The following PARD3B variants were observed in gnomAD, a reference collection of about 807,000 sequenced individuals.
PARD3B encodes par-3 family cell polarity regulator beta, also known as partitioning defective 3 homolog B.
A neutral mutation model predicts 130.2 loss-of-function variants in PARD3B; 103 were observed. That is an observed-to-expected ratio of 0.79 (90% CI 0.67 to 0.93). The LOEUF is 0.93. PARD3B is among the 40% of genes least tolerant of loss of function. PARD3B has a pLI of 0.00. For missense variants in PARD3B, 1,609 were observed against 1,499.2 expected, an observed-to-expected ratio of 1.07 and a Z score of -1.21; for synonymous variants, 583 against 553.2, an observed-to-expected ratio of 1.05 and a Z score of -0.76.
chr2:205,422,038 T>C (rs2046989063), intron 19 of PARD3B, among the ~76,000 whole-genome samples: 1 of 152,184 alleles, frequency 6.6e-6, no homozygotes, highest in South Asian at 2.1e-4. Context: ...ATTCCATTCT[T>C]GTAAACAGAT....
At chr2:204,774,152 T>C (rs1478125101) in intron 2 of PARD3B, among the ~76,000 whole-genome samples, 8 of 151,904 alleles carry the variant, frequency 5.3e-5, no homozygotes, top group African/African-American at 1.7e-4. Context: ...AGAGAAGCCT[T>C]CCCTCAATGA....
chr2:205,389,794 A>G (rs138956843), intron 18 of PARD3B, among the ~76,000 whole-genome samples: 2 of 152,326 alleles, frequency 1.3e-5, no homozygotes, highest in Admixed American at 1.3e-4. Flanking sequence ...TCTGGAATGA[A>G]AGGTCTAAGT....
intron 2 of PARD3B, among the ~76,000 whole-genome samples, chr2:204,781,828 T>A (rs2041842525): frequency 6.6e-6 from 1 of 152,104 alleles, no homozygotes; most frequent in South Asian, 2.1e-4. Flanking sequence ...TTTAGTATGA[T>A]TTTGCTTTGT....
rs1306373500 is a variant in PARD3B, at chr2:205,268,171, G to A, written c.2185+22349G>A. Among the ~76,000 whole-genome samples, 1 of 152,172 alleles carries A rather than the reference G, an allele frequency of 6.6e-6. No individual in the cohort carries two copies. Among genetic ancestry groups the A allele is most frequent in the South Asian group, 2.1e-4 (1 of 4,832 alleles). On this transcript the variant is annotated intron_variant, in intron 16 of 22. Transcript: ENST00000406610. The surrounding 1 kb of genome is among the most constrained non-coding windows in gnomAD (Gnocchi z 4.1). ...AACTGCAAGAACTCATTAATACCAA[G>A]CCCAAGAAGGAACTGCTGATCATCA...
intron 2 of PARD3B, among the ~76,000 whole-genome samples, chr2:204,936,317 T>G (rs1255579462): frequency 6.6e-6 from 1 of 151,912 alleles, no homozygotes. Context: ...GATTCTTCAG[T>G]TTTTTTTCAT....
At chr2:205,447,301 C>T (rs2047938335) in intron 20 of PARD3B, among the ~76,000 whole-genome samples, 2 of 136,582 alleles carry the variant, frequency 1.5e-5, no homozygotes, top group Admixed American at 1.3e-4. Flanking sequence ...TGCTTTTGCT[C>T]ACCTGTCTCC....
intron 2 of PARD3B, among the ~76,000 whole-genome samples, chr2:204,912,164 T>A (rs2047261791): frequency 6.6e-6 from 1 of 152,190 alleles, no homozygotes. Flanking sequence ...GGAAGGGACA[T>A]GTAGGGTATT....
At chr2:205,226,863 G>T (rs1198822207) in intron 15 of PARD3B, among the ~76,000 whole-genome samples, 1 of 152,140 alleles carries the variant, frequency 6.6e-6, no homozygotes, top group Non-Finnish European at 1.5e-5. Context: ...ATATGACATA[G>T]ATTTTAGGAT....
At chr2:204,959,842 A>T (rs952628112) in intron 2 of PARD3B, among the ~76,000 whole-genome samples, 1 of 152,202 alleles carries the variant, frequency 6.6e-6, no homozygotes, top group African/African-American at 2.4e-5. Context: ...CAGCCCTGGC[A>T]ATTAATATCT....
intron 2 of PARD3B, among the ~76,000 whole-genome samples, chr2:204,829,853 G>T (rs1488855981): frequency 1.3e-5 from 2 of 151,974 alleles, no homozygotes; most frequent in Admixed American, 6.5e-5. Context: ...CAAAAAATTA[G>T]CTGGGCGTGG....
intron 19 of PARD3B, among the ~76,000 whole-genome samples, chr2:205,420,365 G>C (rs2046926986): frequency 6.6e-6 from 1 of 152,090 alleles, no homozygotes; most frequent in Admixed American, 6.5e-5. Context: ...TTTTTCCTTT[G>C]GGGCAGGTAC....
intron 13 of PARD3B, among the ~76,000 whole-genome samples, chr2:205,179,458 G>A (rs1306135121): frequency 6.6e-6 from 1 of 152,148 alleles, no homozygotes; most frequent in Non-Finnish European, 1.5e-5. Flanking sequence ...CATGGTAAGT[G>A]TCCTATGCAG....
Position 205,125,604 on chromosome 2 carries a change from A to G in PARD3B, c.1306-5A>G. 1 of 1,613,622 alleles carries G rather than the reference A, an allele frequency of 6.2e-7. No individual in the cohort carries two copies. The highest frequency in any genetic ancestry group is 8.5e-7 in the Non-Finnish European group (1 of 1,179,816). ...TGTGGCTGTTCATATGCTTTTATTCATTAGGTAAATGGGAGAGATGTCACC... is the reference window on the plus strand; with the variant it reads ...TGTGGCTGTTCATATGCTTTTATTCGTTAGGTAAATGGGAGAGATGTCACC... On this transcript the variant is annotated splice_polypyrimidine_tract_variant and splice_region_variant and intron_variant, in intron 9 of 22. Transcript: ENST00000406610. The surrounding 1 kb of genome is among the most constrained non-coding windows in gnomAD (Gnocchi z 4.0).
At chr2:204,613,167 AT>A (rs889168204) in intron 1 of PARD3B, among the ~76,000 whole-genome samples, 1 of 111,024 alleles carries the variant, frequency 9.0e-6, no homozygotes, top group Non-Finnish European at 2.1e-5. Context: ...CAGGAGATAT[AT>A]TTTTTTTGAC....
intron 2 of PARD3B, among the ~76,000 whole-genome samples, chr2:204,856,206 A>T (rs10210279): frequency 0.066 from 10,036 of 152,112 alleles, 916 homozygotes; most frequent in African/African-American, 0.2. Context: ...CTTCACCAAT[A>T]TTTATCACTT....
chr2:205,489,750 T>C (rs1309642557), intron 20 of PARD3B, among the ~76,000 whole-genome samples: 3 of 152,086 alleles, frequency 2.0e-5, no homozygotes, highest in Non-Finnish European at 4.4e-5. Context: ...TGGCTTATTA[T>C]GGTGAACTGA....
chr2:204,583,622 T>TA (rs1183973275), intron 1 of PARD3B, among the ~76,000 whole-genome samples: 4,115 of 70,680 alleles, frequency 0.058, 112 homozygotes, highest in African/African-American at 0.1. Flanking sequence ...ACTTAAAGTA[T>TA]AAAAAAAAAA....
In PARD3B at chr2:204,906,903, A is replaced by G. The variant is rs1178556691; in HGVS notation, c.223-58249A>G. 6.6e-6 allele frequency among the ~76,000 whole-genome samples: 1 copy of G among 152,194 alleles called. No homozygotes were observed. Among genetic ancestry groups the G allele is most frequent in the African/African-American group, 2.4e-5 (1 of 41,456 alleles). ...TGCAGATAATGAAGATTGCTGGGAA[A>G]TTTTAGCATTTTTGTGGAGAATTGG... On this transcript the variant is annotated intron_variant, in intron 2 of 22. Coordinates refer to ENST00000406610, the MANE Select transcript of PARD3B (RefSeq NM_001302769.2). The surrounding 1 kb of genome is among the most constrained non-coding windows in gnomAD (Gnocchi z 4.3).
chr2:205,382,214 G>T (rs1050814722), intron 18 of PARD3B, among the ~76,000 whole-genome samples: 2 of 152,000 alleles, frequency 1.3e-5, no homozygotes, highest in African/African-American at 4.8e-5. Context: ...CCCTGTGCTA[G>T]CTATGTGACA....
Sources: gnomAD v4.1 joint callset for allele counts (sites outside exome capture counted in the v4.1 genomes callset) on GRCh38, gnomAD v4.1.1 for gene constraint, Gnocchi (gnomAD v3.1) non-coding constraint, MANE v1.5 for transcripts, NCBI Gene and HGNC (gene_info 2026-07-23, HGNC 2026-07-21) for gene names.